The following PVT1 variants were observed in gnomAD, a reference collection of about 807,000 sequenced individuals.
PVT1 encodes the protein CXCR4/PVT1 fusion.
At chr8:127,809,432 G>A (rs1050005858) in intron 2 of PVT1, among the ~76,000 whole-genome samples, 3 of 152,154 alleles carry the variant, frequency 2.0e-5, no homozygotes, top group Non-Finnish European at 4.4e-5. Flanking sequence ...GGCTTTAAGC[G>A]ATCCTCCCAT....
chr8:127,961,413 C>A (rs1460953987), intron 3 of PVT1, among the ~76,000 whole-genome samples: 2 of 152,170 alleles, frequency 1.3e-5, no homozygotes, highest in Admixed American at 6.5e-5. Context: ...GTAAAATGTT[C>A]TTTTCTGTGT....
rs117108694 is a variant in PVT1, at chr8:127,845,952, A to T, written n.373-44637A>T. Among the ~76,000 whole-genome samples, 1,158 of 152,224 alleles carry T rather than the reference A, an allele frequency of 7.6e-3. 8 individuals carry two copies. Among genetic ancestry groups the T allele is most frequent in the Non-Finnish European group, 0.013 (891 of 68,022 alleles). ...AGCTTCTCTGTCACATCCCACCCAC[A>T]CTTTGAAAGGTCTGTTCTTAGCGGG... On this transcript the variant is annotated intron_variant and non_coding_transcript_variant, in intron 2 of 10. Coordinates refer to ENST00000651587, the Ensembl canonical transcript of PVT1.
intron 4 of PVT1, among the ~76,000 whole-genome samples, chr8:128,068,788 G>A (rs117402196): frequency 0.028 from 4,264 of 152,278 alleles, 132 homozygotes; most frequent in East Asian, 0.14. Flanking sequence ...CACTGCACCC[G>A]GCCAGTTTTG....
At chr8:127,954,630 G>A (rs13255163) in intron 3 of PVT1, among the ~76,000 whole-genome samples, 10,464 of 152,186 alleles carry the variant, frequency 0.069, 423 homozygotes, top group East Asian at 0.13. Context: ...GTGGTTCAGC[G>A]CCCCCAGTGC....
chr8:127,862,134 G>A (rs527256242), intron 2 of PVT1, among the ~76,000 whole-genome samples: 2 of 152,326 alleles, frequency 1.3e-5, no homozygotes, highest in East Asian at 1.9e-4. Context: ...CTGGCTGGGC[G>A]CGTTGGCTCA....
chr8:128,095,114 A>T (rs950095895), intron 5 of PVT1, among the ~76,000 whole-genome samples: 7 of 152,154 alleles, frequency 4.6e-5, no homozygotes, highest in African/African-American at 1.4e-4. Context: ...TTGGCTTAAG[A>T]TAAGATGCAG....
intron 3 of PVT1, among the ~76,000 whole-genome samples, chr8:127,904,470 A>T (rs906223102): frequency 6.7e-6 from 1 of 148,718 alleles, no homozygotes; most frequent in Non-Finnish European, 1.5e-5. Context: ...GATGAAGATG[A>T]TGTTGATGAT....
At chr8:127,981,626 G>A (rs959566790) in intron 3 of PVT1, among the ~76,000 whole-genome samples, 24 of 152,198 alleles carry the variant, frequency 1.6e-4, no homozygotes, top group African/African-American at 5.5e-4. Flanking sequence ...GGATGTTTTT[G>A]AGGGAAAGTT....
At chr8:127,915,015 G>A (rs1293801100) in intron 3 of PVT1, among the ~76,000 whole-genome samples, 1 of 151,830 alleles carries the variant, frequency 6.6e-6, no homozygotes, top group Admixed American at 6.6e-5. Context: ...GGTAGAGATG[G>A]GGTTTCACCA....
intron 4 of PVT1, among the ~76,000 whole-genome samples, chr8:128,023,342 A>C (rs982693646): frequency 1.3e-5 from 2 of 152,212 alleles, no homozygotes; most frequent in Non-Finnish European, 2.9e-5. Context: ...GTTGACAGCC[A>C]GCCAACTCCT....
At chr8:127,858,306 C>G (rs530598941) in intron 2 of PVT1, among the ~76,000 whole-genome samples, 1 of 152,198 alleles carries the variant, frequency 6.6e-6, no homozygotes, top group South Asian at 2.1e-4. Flanking sequence ...ACCAGGGAGG[C>G]TGAGGCAGGA....
At chr8:127,873,381 C>G (rs914072667) in intron 2 of PVT1, among the ~76,000 whole-genome samples, 7 of 152,148 alleles carry the variant, frequency 4.6e-5, no homozygotes, top group South Asian at 2.1e-4. Context: ...GAAGGAGACC[C>G]CTTCTAACTT....
intron 4 of PVT1, among the ~76,000 whole-genome samples, chr8:128,012,666 C>T (rs559725097): frequency 6.6e-6 from 1 of 152,268 alleles, no homozygotes; most frequent in South Asian, 2.1e-4. Flanking sequence ...GTCAAACAGT[C>T]AACTCATTCT....
intron 4 of PVT1, among the ~76,000 whole-genome samples, chr8:128,000,745 G>T (rs1159573947): frequency 6.6e-6 from 1 of 152,122 alleles, no homozygotes; most frequent in Non-Finnish European, 1.5e-5. Flanking sequence ...GGCTTTTGTT[G>T]TTGTTGTTTA....
intron 3 of PVT1, among the ~76,000 whole-genome samples, chr8:127,929,117 G>A (rs1450682690): frequency 6.6e-6 from 1 of 152,042 alleles, no homozygotes; most frequent in Non-Finnish European, 1.5e-5. Context: ...GGGGTTTAGC[G>A]GGTGGGAAAG....
At chr8:127,952,838 C>G (rs929077195) in intron 3 of PVT1, among the ~76,000 whole-genome samples, 5 of 151,348 alleles carry the variant, frequency 3.3e-5, no homozygotes, top group African/African-American at 1.2e-4. Context: ...GATCTCAGCT[C>G]ACTGCAACCT....
At chr8:128,093,581 TGCTATAAG>T in intron 5 of PVT1, among the ~76,000 whole-genome samples, 1 of 152,130 alleles carries the variant, frequency 6.6e-6, no homozygotes, top group South Asian at 2.1e-4. Context: ...TAAAAAGAGT[TGCTATAAG>T]GCTTGAAAGA....
chr8:128,075,443 C>CT (rs34232440), intron 5 of PVT1, among the ~76,000 whole-genome samples: 48,106 of 151,544 alleles, frequency 0.32, 7,753 homozygotes, highest in Middle Eastern at 0.37. Flanking sequence ...CTATTTTCTC[C>CT]TTTTTTTAAA....
At chr8:127,959,769 G>T (rs780097497) in intron 3 of PVT1, among the ~76,000 whole-genome samples, 1 of 152,086 alleles carries the variant, frequency 6.6e-6, no homozygotes, top group Non-Finnish European at 1.5e-5. Flanking sequence ...AGAACAAACC[G>T]GTTAGGAAAT....
Sources: gnomAD v4.1 joint callset for allele counts (sites outside exome capture counted in the v4.1 genomes callset) on GRCh38, gnomAD v4.1.1 for gene constraint, MANE v1.5 for transcripts, NCBI Gene and HGNC (gene_info 2026-07-23, HGNC 2026-07-21) for gene names.